Variants in DGLUCY observed in about 807,000 individuals in gnomAD.
DGLUCY encodes D-glutamate cyclase, mitochondrial.
DGLUCY carries 58 observed loss-of-function variants against 58.5 expected under a neutral mutation model. The ratio of observed to expected loss-of-function variants is 0.99; its 90% CI spans 0.80 to 1.23. The LOEUF (loss-of-function observed/expected upper bound fraction) is 1.23. Among genes scored for constraint, DGLUCY ranks in the 50% most tolerant of loss-of-function variants. DGLUCY has a pLI of 0.00. For synonymous variants in DGLUCY, 325 were observed against 314.1 expected, an observed-to-expected ratio of 1.03 and a Z score of -0.37; for missense variants, 779 against 784.7, an observed-to-expected ratio of 0.99 and a Z score of 0.09.
exon 1 of DGLUCY, chr14:91,060,533 G>C: frequency 8.2e-7 from 1 of 1,224,312 alleles, no homozygotes; most frequent in Non-Finnish European, 1.0e-6. Context: ...CCCAGGAGTC[G>C]GGGTGCGGCG....
At chr14:91,214,764 C>T (rs1483808067) in intron 12 of DGLUCY, among the ~76,000 whole-genome samples, 1 of 152,090 alleles carries the variant, frequency 6.6e-6, no homozygotes, top group Admixed American at 6.6e-5. Context: ...GCAGGGGGAT[C>T]ACTTGAGCCC....
Position 91,189,626 on chromosome 14 carries a change from C to T in DGLUCY, c.1195+456C>T, listed in dbSNP as rs60870118. On this transcript the variant is annotated intron_variant, in intron 9 of 13. Transcript: ENST00000256324. The stretch of plus-strand genomic sequence containing the variant: ...GCGTTATTGCTGTAGGTGTTGGAGA[C>T]GCGAGGCTGTAATTCCACTATCCGT... 2.6e-3 allele frequency among the ~76,000 whole-genome samples: 392 copies of T among 152,244 alleles called. 1 individual carries two copies. The highest frequency in any genetic ancestry group is 8.9e-3 in the African/African-American group (371 of 41,530).
At chr14:91,153,117 G>A (rs780451751) in intron 1 of DGLUCY, among the ~76,000 whole-genome samples, 3 of 152,024 alleles carry the variant, frequency 2.0e-5, no homozygotes, top group Non-Finnish European at 2.9e-5. Context: ...CTCCCTGGCC[G>A]CCTTTTCTCA....
chr14:91,144,236 T>TATTA (rs2046892574), intron 1 of DGLUCY, among the ~76,000 whole-genome samples: 3 of 152,166 alleles, frequency 2.0e-5, no homozygotes, highest in Admixed American at 6.6e-5. Context: ...ACTGGCCGTT[T>TATTA]GGTAACAAAC....
chr14:91,166,981 T>TA (rs1168992624), intron 3 of DGLUCY, among the ~76,000 whole-genome samples: 3 of 151,884 alleles, frequency 2.0e-5, no homozygotes, highest in Non-Finnish European at 4.4e-5. Flanking sequence ...CTACTAAAAA[T>TA]ACAAACAATT....
rs770738235 is a variant in DGLUCY, at chr14:91,188,910, G to T, written c.935G>T (p.Gly312Val). 1 of 1,608,594 alleles carries T rather than the reference G, an allele frequency of 6.2e-7. No homozygotes were observed. Among genetic ancestry groups the T allele is most frequent in the South Asian group, 1.1e-5 (1 of 89,668 alleles). The change falls in exon 9 of 14, where the codon GGG becomes GTG. Residue 312 changes from glycine (G) to valine (V), a missense_variant and splice_region_variant. Coordinates refer to ENST00000256324, the MANE Select transcript of DGLUCY (RefSeq NM_001102368.3). Reference protein sequence around the residue: ...ELESMIGIDPGNRGIGHLLCK... With the variant: ...ELESMIGIDPVNRGIGHLLCK... ...TTACATTCTATTTTTGTCATTTCAG[G>T]GAACCGGGGGATTGGGCACCTGCTC...
At chr14:91,098,358 T>A (rs1292361735) in intron 1 of DGLUCY, among the ~76,000 whole-genome samples, 1 of 152,126 alleles carries the variant, frequency 6.6e-6, no homozygotes, top group African/African-American at 2.4e-5. Flanking sequence ...CTCAGGAGGC[T>A]GAGGCAGGAG....
chr14:91,071,058 T>C (rs2043906869), intron 1 of DGLUCY, among the ~76,000 whole-genome samples: 2 of 151,908 alleles, frequency 1.3e-5, no homozygotes, highest in Non-Finnish European at 2.9e-5. Flanking sequence ...GCTGACCAGG[T>C]GTGGTGGCTC....
intron 1 of DGLUCY, among the ~76,000 whole-genome samples, chr14:91,127,203 T>A (rs1406502139): frequency 6.6e-6 from 1 of 152,044 alleles, no homozygotes; most frequent in Non-Finnish European, 1.5e-5. Flanking sequence ...ACCACAGGCA[T>A]GTGCCACCAT....
At chr14:91,099,979 G>A (rs1321972571) in intron 1 of DGLUCY, among the ~76,000 whole-genome samples, 3 of 151,090 alleles carry the variant, frequency 2.0e-5, no homozygotes, top group Non-Finnish European at 2.9e-5. Flanking sequence ...GCTTGAACCC[G>A]GGAGGCAATA....
At chr14:91,218,739 C>T (rs1567017673) in intron 13 of DGLUCY, among the ~76,000 whole-genome samples, 1 of 152,050 alleles carries the variant, frequency 6.6e-6, no homozygotes, top group Non-Finnish European at 1.5e-5. Context: ...AGTACAAACA[C>T]ATGTTTGTTG....
chr14:91,158,561 G>C lies in DGLUCY; in HGVS notation c.-30+871G>C, dbSNP rs973046991. Among the ~76,000 whole-genome samples the C allele has an allele frequency of 3.3e-5, 5 of 152,220 alleles. No homozygotes were observed. In the South Asian group the frequency reaches 1.0e-3, roughly 32 times the overall value. ...ATTAGAGTTGAAAACATAAATTGGT[G>C]GTTTGGAATTCCACTGAGTTCTTCT... On this transcript the variant is annotated intron_variant, in intron 2 of 13. Coordinates refer to ENST00000256324, the MANE Select transcript of DGLUCY (RefSeq NM_001102368.3).
At chr14:91,063,056 T>C (rs1476392962) in intron 1 of DGLUCY, among the ~76,000 whole-genome samples, 7 of 152,174 alleles carry the variant, frequency 4.6e-5, no homozygotes, top group African/African-American at 1.7e-4. Context: ...GATCATGCTG[T>C]AAAGGAAAAT....
At chr14:91,083,657 A>T (rs1274933673) in intron 1 of DGLUCY, among the ~76,000 whole-genome samples, 1 of 151,950 alleles carries the variant, frequency 6.6e-6, no homozygotes, top group Non-Finnish European at 1.5e-5. Flanking sequence ...TTCCTAGGGG[A>T]TGGAGGCATT....
intron 1 of DGLUCY, among the ~76,000 whole-genome samples, chr14:91,067,080 C>CAA (rs778098019): frequency 0.35 from 24,907 of 70,714 alleles, 3,654 homozygotes; most frequent in Middle Eastern, 0.45. Context: ...GACTCCATCT[C>CAA]AAAAAAAAAA....
At chr14:91,158,069 G>A (rs1396809393) in intron 2 of DGLUCY, among the ~76,000 whole-genome samples, 1 of 152,168 alleles carries the variant, frequency 6.6e-6, no homozygotes, top group Non-Finnish European at 1.5e-5. Context: ...CAAGGTTATG[G>A]AAAGCTTCTC....
intron 7 of DGLUCY, among the ~76,000 whole-genome samples, chr14:91,179,876 A>T (rs1595854136): frequency 7.0e-6 from 1 of 142,312 alleles, no homozygotes. Flanking sequence ...AACCACGAGT[A>T]TGCTAAACAC....
chr14:91,113,474 T>C (rs1216899445), upstream of DGLUCY, among the ~76,000 whole-genome samples: 1 of 152,324 alleles, frequency 6.6e-6, no homozygotes, highest in South Asian at 2.1e-4. Flanking sequence ...TTCTAAGTGC[T>C]GATACTGTTC....
intron 1 of DGLUCY, among the ~76,000 whole-genome samples, chr14:91,135,907 C>T (rs1467316967): frequency 7.2e-6 from 1 of 139,728 alleles, no homozygotes; most frequent in East Asian, 2.1e-4. Context: ...GTAATTCCAA[C>T]TTGGCTAGGA....
Sources: allele counts gnomAD v4.1 joint callset (sites outside exome capture counted in the v4.1 genomes callset), GRCh38; gene constraint gnomAD v4.1.1; transcripts MANE v1.5; gene names NCBI Gene and HGNC (gene_info 2026-07-23, HGNC 2026-07-21).